Variants in FGD6 observed in about 807,000 individuals in gnomAD.
FGD6 encodes the protein FYVE, RhoGEF and PH domain-containing protein 6.
Under a neutral mutation model 149.4 loss-of-function variants are expected in FGD6, and 90 were observed. The ratio of observed to expected loss-of-function variants is 0.60; its 90% CI spans 0.51 to 0.72. FGD6 has a LOEUF of 0.72. Among genes scored for constraint, FGD6 ranks in the 30% least tolerant of loss-of-function variants. The pLI is 0.00. For missense variants in FGD6, 1,437 were observed against 1,684.8 expected, an observed-to-expected ratio of 0.85 and a Z score of 2.57; for synonymous variants, 527 against 584.0, an observed-to-expected ratio of 0.90 and a Z score of 1.41.
rs1482932764 is a variant in FGD6, at chr12:95,109,946, T to A, written c.3134-1385A>T. On this transcript the variant is annotated intron_variant, in intron 9 of 20. Transcript: ENST00000343958. ...GTGTTTTGGTCCAGTTATTGTAATC[T>A]ATCAAAGGACTGTCTTCCTGGTACC... Among the ~76,000 whole-genome samples, 3 of 151,926 alleles carry A rather than the reference T, an allele frequency of 2.0e-5. No individual in the cohort carries two copies. The East Asian group carries it at 5.8e-4, about 29-fold the overall frequency.
intron 14 of FGD6, chr12:95,100,589 G>C (rs1312519752): frequency 6.6e-6 from 3 of 455,946 alleles, no homozygotes; most frequent in Non-Finnish European, 1.3e-5. Flanking sequence ...GACTTTCTAG[G>C]AGACTCCTGT....
intron 5 of FGD6, among the ~76,000 whole-genome samples, chr12:95,150,027 CACACA>C (rs1565909359): frequency 8.8e-6 from 1 of 113,428 alleles, no homozygotes; most frequent in African/African-American, 3.3e-5. Flanking sequence ...CACACACACA[CACACA>C]CTTTTTTTTT....
intron 17 of FGD6, among the ~76,000 whole-genome samples, chr12:95,090,470 A>C (rs1315407619): frequency 6.6e-6 from 1 of 152,200 alleles, no homozygotes; most frequent in East Asian, 1.9e-4. Context: ...TAGATGAGAG[A>C]TAACGAAGGC....
At chr12:95,198,640 C>G (rs186115974) in intron 2 of FGD6, among the ~76,000 whole-genome samples, 1 of 152,220 alleles carries the variant, frequency 6.6e-6, no homozygotes, top group Non-Finnish European at 1.5e-5. Flanking sequence ...GGGGTTTCAC[C>G]GTGTTAGCCA....
intron 2 of FGD6, among the ~76,000 whole-genome samples, chr12:95,182,515 T>A (rs990347340): frequency 3.3e-5 from 5 of 152,344 alleles, no homozygotes; most frequent in Admixed American, 2.6e-4. Flanking sequence ...CATACATTTT[T>A]AAAAATACTT....
chr12:95,167,470 C>T (rs556391022), intron 3 of FGD6, among the ~76,000 whole-genome samples: 10 of 152,156 alleles, frequency 6.6e-5, no homozygotes, highest in South Asian at 6.2e-4. Flanking sequence ...ATTTCTTTAA[C>T]GGCTTATGAT....
intron 2 of FGD6, among the ~76,000 whole-genome samples, chr12:95,192,944 T>C (rs1401482133): frequency 6.6e-6 from 1 of 151,270 alleles, no homozygotes; most frequent in African/African-American, 2.4e-5. Flanking sequence ...CATAATGTGA[T>C]ATTACTGCAC....
rs1878061391 is a variant in FGD6, at chr12:95,091,769, T to C, written c.3788A>G (p.Asp1263Gly). The C allele has an allele frequency of 6.2e-7, 1 of 1,613,450 alleles. No individual in the cohort carries two copies. The highest frequency in any genetic ancestry group is 1.7e-5 in the Admixed American group (1 of 59,930). Reference sequence around the variant, plus strand: ...TCTTGCTGGTTGATTTTTCAGGTAATCTAAGCCATACTTATTAGACGAACA... The same window carrying C: ...TCTTGCTGGTTGATTTTTCAGGTAACCTAAGCCATACTTATTAGACGAACA... The part of the protein sequence containing the change: ...QACSSNKYGL[D>G]YLKNQPARVC... The change falls in exon 17 of 21, where the codon GAT becomes GGT. Residue 1263 changes from aspartate (D) to glycine (G), a missense_variant. Asp to Gly is a moderately conservative substitution (Grantham distance 94). Around this residue, in one of 2 missense-constraint regions of FGD6, gnomAD observed 382 missense variants for 538.7 expected, o/e 0.71. Transcript: ENST00000343958.
intron 2 of FGD6, among the ~76,000 whole-genome samples, chr12:95,183,567 A>G (rs899627476): frequency 1.3e-5 from 2 of 152,206 alleles, no homozygotes; most frequent in Non-Finnish European, 2.9e-5. Flanking sequence ...AACAACCTCC[A>G]AGGCCAGGAG....
intron 5 of FGD6, among the ~76,000 whole-genome samples, chr12:95,147,651 A>T (rs556238565): frequency 6.6e-6 from 1 of 152,284 alleles, no homozygotes; most frequent in Admixed American, 6.5e-5. Flanking sequence ...ACTAAGTACA[A>T]GGGCTCAGAC....
chr12:95,206,087 T>TA (rs1407180614), intron 2 of FGD6, among the ~76,000 whole-genome samples: 2 of 151,900 alleles, frequency 1.3e-5, no homozygotes, highest in African/African-American at 2.4e-5. Flanking sequence ...GCATAACAGA[T>TA]AAAAAACAAG....
At chr12:95,137,181 A>T (rs1879690711) in intron 7 of FGD6, among the ~76,000 whole-genome samples, 1 of 152,178 alleles carries the variant, frequency 6.6e-6, no homozygotes, top group Admixed American at 6.5e-5. Flanking sequence ...CGGGAAGCTG[A>T]GGCAGGAGAA....
At chr12:95,169,461 A>C (rs1034985124) in intron 3 of FGD6, among the ~76,000 whole-genome samples, 1 of 152,230 alleles carries the variant, frequency 6.6e-6, no homozygotes, top group African/African-American at 2.4e-5. Context: ...AAACAGTAAT[A>C]TAAATACAGG....
At chr12:95,099,695 T>G (rs1178628268) in intron 14 of FGD6, among the ~76,000 whole-genome samples, 6 of 152,152 alleles carry the variant, frequency 3.9e-5, no homozygotes. Context: ...ACTACCTGGC[T>G]GCCCAACTTC....
At chr12:95,088,891 T>C (rs528498046) in intron 18 of FGD6, among the ~76,000 whole-genome samples, 7 of 152,204 alleles carry the variant, frequency 4.6e-5, no homozygotes, top group Non-Finnish European at 1.0e-4. Context: ...CTATGTATGC[T>C]AGAACACCTC....
chr12:95,087,238 T>G (rs1592824124), intron 18 of FGD6, among the ~76,000 whole-genome samples: 1 of 152,152 alleles, frequency 6.6e-6, no homozygotes, highest in South Asian at 2.1e-4. Context: ...AGGCACACGC[T>G]TAAGGTGGCT....
intron 3 of FGD6, among the ~76,000 whole-genome samples, chr12:95,172,113 C>T (rs1017817610): frequency 1.3e-5 from 2 of 151,938 alleles, no homozygotes; most frequent in Non-Finnish European, 1.5e-5. Context: ...CCATGGCTCA[C>T]GCCTGTAATC....
At chr12:95,194,742 G>A (rs935006593) in intron 2 of FGD6, among the ~76,000 whole-genome samples, 2 of 147,642 alleles carry the variant, frequency 1.4e-5, no homozygotes, top group South Asian at 4.3e-4. Context: ...AAGTAAAAAC[G>A]GGGGGAATCT....
At chr12:95,195,104 T>A (rs904922446) in intron 2 of FGD6, among the ~76,000 whole-genome samples, 8 of 152,170 alleles carry the variant, frequency 5.3e-5, no homozygotes, top group African/African-American at 1.9e-4. Context: ...TCTATAAAAG[T>A]AAAATCTATT....
Sources: gnomAD v4.1 joint callset for allele counts (sites outside exome capture counted in the v4.1 genomes callset) on GRCh38, gnomAD v4.1.1 for gene constraint, gnomAD v4.1.1 regional missense constraint, MANE v1.5 for transcripts, NCBI Gene and HGNC (gene_info 2026-07-23, HGNC 2026-07-21) for gene names.